Variants in OTOGL observed in about 807,000 individuals in gnomAD.
OTOGL encodes the protein otogelin like.
A neutral mutation model predicts 318.5 loss-of-function variants in OTOGL; 285 were observed. That is an observed-to-expected ratio of 0.89 (90% CI 0.81 to 0.99). OTOGL has a LOEUF of 0.99. Ranked by LOEUF, OTOGL falls within the 50% of genes least tolerant of loss-of-function variation. The pLI is 0.00. For missense variants in OTOGL, 2,899 were observed against 2,845.6 expected (o/e 1.02, Z -0.43); for synonymous variants, 987 against 936.5 (o/e 1.05, Z -0.99).
At chr12:80,167,819 G>A (rs747506135) in intron 1 of OTOGL, among the ~76,000 whole-genome samples, 14 of 145,034 alleles carry the variant, frequency 9.7e-5, no homozygotes, top group Non-Finnish European at 1.3e-4. Context: ...ACCACATAGC[G>A]GAAAAAAATG....
In OTOGL at chr12:80,261,984, G is replaced by A. The variant is rs756865400; in HGVS notation, c.1905G>A (p.Met635Ile). Residue 635 changes from methionine to isoleucine, a missense_variant, in exon 19 of 59, where the codon ATG (methionine) becomes ATA (isoleucine). Met to Ile is a conservative substitution (Grantham distance 10). Coordinates refer to ENST00000547103, the MANE Select transcript of OTOGL (RefSeq NM_001378609.3). The part of the protein sequence containing the change: ...IRDDFLSPSG[M>I]IEGTPQLHAN... ...TGCTTTCTAGTTCTCCATCAGGCAT[G>A]ATAGAAGGTACACCACAACTTCACG... The A allele has an allele frequency of 1.2e-6, 2 of 1,612,006 alleles. No homozygotes were observed. The highest frequency in any genetic ancestry group is 1.7e-6 in the Non-Finnish European group (2 of 1,178,778).
At chr12:80,239,648 G>C (rs1039477356) in intron 11 of OTOGL, among the ~76,000 whole-genome samples, 1 of 151,888 alleles carries the variant, frequency 6.6e-6, no homozygotes, top group Admixed American at 6.6e-5. Flanking sequence ...ATATTTTCAG[G>C]GTATGTGTGA....
chr12:80,367,169 C>T (rs1201795869), intron 53 of OTOGL, among the ~76,000 whole-genome samples: 3 of 141,288 alleles, frequency 2.1e-5, no homozygotes, highest in Admixed American at 1.5e-4. Flanking sequence ...GAAATGGGGT[C>T]TTGCTATGTT....
chr12:80,327,413 GC>G (rs1887745193), intron 35 of OTOGL, among the ~76,000 whole-genome samples: 1 of 152,090 alleles, frequency 6.6e-6, no homozygotes, highest in African/African-American at 2.4e-5. Flanking sequence ...CCAGGGCACT[GC>G]CCCAGATTTG....
intron 44 of OTOGL, among the ~76,000 whole-genome samples, chr12:80,350,901 A>G (rs912253529): frequency 6.6e-6 from 1 of 152,010 alleles, no homozygotes; most frequent in African/African-American, 2.4e-5. Flanking sequence ...AGAAACTTTT[A>G]TTTTGATGCA....
chr12:80,347,952 A>T (rs930154373), intron 44 of OTOGL, among the ~76,000 whole-genome samples: 1 of 151,794 alleles, frequency 6.6e-6, no homozygotes, highest in African/African-American at 2.4e-5. Context: ...TCCTTCACCC[A>T]CTTTTTGATG....
chr12:80,285,765 T>G (rs1369671711), intron 26 of OTOGL, among the ~76,000 whole-genome samples: 2 of 152,018 alleles, frequency 1.3e-5, no homozygotes, highest in Non-Finnish European at 2.9e-5. Context: ...GCTTAAGGAG[T>G]TTTTGGGCTG....
Position 80,314,308 on chromosome 12 carries a change from T to C in OTOGL, c.3611T>C (p.Leu1204Pro). The C allele has an allele frequency of 9.5e-7, 1 of 1,047,864 alleles. No homozygotes were observed. The highest frequency in any genetic ancestry group is 1.3e-6 in the Non-Finnish European group (1 of 784,658). 64.9% of individuals were successfully genotyped at this position (1,047,864 alleles called of 1,614,324 possible). A position where few individuals can be genotyped will look rare whatever the true frequency, so the allele number is the denominator to read the frequency against. ...IHWRSSTVCS[L>P]DCEYYNEGLG... is the part of the protein sequence containing the mutation. Reference sequence around the variant, plus strand: ...ATTTATTCTTTTTTTCTTTTAGCACTTGATTGTGAATACTACAATGAAGGT... The same window carrying C: ...ATTTATTCTTTTTTTCTTTTAGCACCTGATTGTGAATACTACAATGAAGGT... Residue 1204 changes from leucine (L) to proline (P), a missense_variant, in exon 32 of 59, where the codon CTT becomes CCT. This residue lies in a region of OTOGL where 2,607 missense variants were observed against 2,524.9 expected (regional missense o/e 1.03). Transcript: ENST00000547103.
intron 4 of OTOGL, among the ~76,000 whole-genome samples, chr12:80,214,332 C>T (rs1877517899): frequency 6.6e-6 from 1 of 152,246 alleles, no homozygotes; most frequent in African/African-American, 2.4e-5. Context: ...GCAGCTGGAG[C>T]TCAGTCTTAT....
At position 80,266,511 on chromosome 12, in the gene OTOGL, GCATTTCT is replaced by G. The variant is rs775667970; in HGVS notation, c.2287_2293del (p.Ile763SerfsTer65). The G allele has an allele frequency of 6.2e-7, 1 of 1,613,498 alleles. No homozygotes were observed. The highest frequency in any genetic ancestry group is 1.1e-5 in the South Asian group (1 of 91,052). ...TGTTCCTCGTTCTGCCTCCATTCCT[GCATTTCT>G]CTCTCTTCCCCGGAGCAGTGCAGTG... On this transcript the variant is annotated frameshift_variant, in exon 21 of 59. Transcript: ENST00000547103. LOFTEE classifies it high-confidence loss of function.
At position 80,255,185 on chromosome 12, in the gene OTOGL, G is replaced by T; in HGVS notation, c.1587G>T (p.Gln529His). Residue 529 changes from glutamine (Q) to histidine (H), a missense_variant and splice_region_variant, in exon 16 of 59, where the codon CAG becomes CAT. Gln to His is a conservative substitution (Grantham distance 24, BLOSUM62 0). This residue lies in a region of OTOGL where 2,607 missense variants were observed against 2,524.9 expected (regional missense o/e 1.03). Coordinates refer to ENST00000547103, the MANE Select transcript of OTOGL (RefSeq NM_001378609.3). Reference sequence around the variant, plus strand: ...CTTTACAGAAAGCTCCCTGTGAGCAGGTAAGAACATTTCAAAATGACCAGA... The same window carrying T: ...CTTTACAGAAAGCTCCCTGTGAGCATGTAAGAACATTTCAAAATGACCAGA... ...TITLQKAPCE[Q>H]NLGLVCLQSI... is the part of the protein sequence containing the mutation. 1 of 1,479,972 alleles carries T rather than the reference G, an allele frequency of 6.8e-7. No individual in the cohort carries two copies. The allele number at this position is 1,479,972 out of a possible 1,614,324, so 91.7% of individuals were successfully genotyped here.
intron 1 of OTOGL, among the ~76,000 whole-genome samples, chr12:80,108,198 T>C (rs1020257999): frequency 1.3e-5 from 2 of 152,156 alleles, no homozygotes; most frequent in African/African-American, 4.8e-5. Flanking sequence ...TGATTTTCTG[T>C]GAACTGGCTT....
In OTOGL at chr12:80,360,223, A is replaced by G. The variant is rs983974101; in HGVS notation, c.6267+1323A>G. ...GGCTCAATCAGTATTAGTTATAAGTATTAGTTTTTTTGACACATTAAAACG... is the reference window on the plus strand; with the variant it reads ...GGCTCAATCAGTATTAGTTATAAGTGTTAGTTTTTTTGACACATTAAAACG... On this transcript the variant is annotated intron_variant, in intron 52 of 58. Coordinates refer to ENST00000547103, the MANE Select transcript of OTOGL (RefSeq NM_001378609.3). Among the ~76,000 whole-genome samples, 3 of 152,188 alleles carry G rather than the reference A, an allele frequency of 2.0e-5. No homozygotes were observed. In the East Asian group the frequency reaches 5.8e-4, roughly 29 times the overall value.
chr12:80,128,921 T>A (rs12811358), intron 1 of OTOGL, among the ~76,000 whole-genome samples: 5,438 of 152,214 alleles, frequency 0.036, 113 homozygotes, highest in South Asian at 0.089. Flanking sequence ...TGACCTGATT[T>A]TCCAGGTGCC....
intron 1 of OTOGL, among the ~76,000 whole-genome samples, chr12:80,177,308 T>TG (rs2137231033): frequency 6.6e-6 from 1 of 152,192 alleles, no homozygotes; most frequent in African/African-American, 2.4e-5. Flanking sequence ...TGTAAGGGGG[T>TG]GGTTGTCATT....
At chr12:80,230,977 G>A (rs1879310049) in intron 8 of OTOGL, among the ~76,000 whole-genome samples, 1 of 152,076 alleles carries the variant, frequency 6.6e-6, no homozygotes, top group East Asian at 1.9e-4. Flanking sequence ...GCATCCTTCT[G>A]TGTTATAAAC....
At chr12:80,234,829 A>G (rs960061179) in intron 9 of OTOGL, among the ~76,000 whole-genome samples, 7 of 152,220 alleles carry the variant, frequency 4.6e-5, no homozygotes, top group Non-Finnish European at 8.8e-5. Context: ...CAAAAAGTCA[A>G]TTTCCTCATA....
chr12:80,138,668 A>C lies in OTOGL; in HGVS notation c.-20+39063A>C, dbSNP rs561055866. 1.6e-4 allele frequency among the ~76,000 whole-genome samples: 25 copies of C among 152,288 alleles called. 1 individual carries two copies. The South Asian group carries it at 5.0e-3, about 30-fold the overall frequency. On this transcript the variant is annotated intron_variant, in intron 1 of 58. Transcript: ENST00000547103. ...ATAGCTACATTAGCACTTTGAAGCAAAAAAGGCCAATGTCAAGAAAATATA... is the reference window on the plus strand; with the variant it reads ...ATAGCTACATTAGCACTTTGAAGCACAAAAGGCCAATGTCAAGAAAATATA...
intron 19 of OTOGL, among the ~76,000 whole-genome samples, chr12:80,262,629 A>G (rs1315538531): frequency 6.6e-6 from 1 of 152,158 alleles, no homozygotes; most frequent in Admixed American, 6.6e-5. Context: ...CCAATTTGCA[A>G]TGACAGGACA....
Sources: gnomAD v4.1 joint callset for allele counts (sites outside exome capture counted in the v4.1 genomes callset) on GRCh38, gnomAD v4.1.1 for gene constraint, gnomAD v4.1.1 regional missense constraint, MANE v1.5 for transcripts, NCBI Gene and HGNC (gene_info 2026-07-23, HGNC 2026-07-21) for gene names.